The following UNC13C variants were observed in gnomAD, a reference collection of about 807,000 sequenced individuals.
UNC13C encodes protein unc-13 homolog C.
Under a neutral mutation model 245.4 loss-of-function variants are expected in UNC13C, and 174 were observed. That is an observed-to-expected ratio of 0.71 (90% CI 0.63 to 0.80). UNC13C has a LOEUF of 0.80. UNC13C is among the 30% of genes least tolerant of loss of function. The pLI is 0.00. For synonymous variants in UNC13C, 992 were observed against 895.1 expected, an observed-to-expected ratio of 1.11 and a Z score of -1.93; for missense variants, 2,829 against 2,602.9, an observed-to-expected ratio of 1.09 and a Z score of -1.89.
chr15:54,569,438 GAAT>G (rs1318179695), intron 30 of UNC13C, among the ~76,000 whole-genome samples: 2 of 151,888 alleles, frequency 1.3e-5, no homozygotes, highest in African/African-American at 4.8e-5. Flanking sequence ...ATTGTTTATG[GAAT>G]AATAACAAGA....
In UNC13C at chr15:54,175,508, A is replaced by ATTTTTT. The variant is rs55925649; in HGVS notation, c.3071+31841_3071+31846dup. On this transcript the variant is annotated intron_variant, in intron 4 of 32. Coordinates refer to ENST00000260323, the MANE Select transcript of UNC13C (RefSeq NM_001080534.3). The stretch of plus-strand genomic sequence containing the variant: ...AAAACACTGTTGTTGTGGCCCTAGA[A>ATTTTTT]TTTTTTTTTTTTTTTTTTTTTTGAG... 2.5e-3 allele frequency among the ~76,000 whole-genome samples: 270 copies of ATTTTTT among 105,974 alleles called. 11 individuals are homozygous for ATTTTTT. Among genetic ancestry groups the ATTTTTT allele is most frequent in the Middle Eastern group, 0.011 (2 of 178 alleles). The allele number at this position is 105,974 out of a possible 152,430, so 69.5% of individuals were successfully genotyped here.
At chr15:54,285,887 A>T (rs2037132283) in intron 10 of UNC13C, among the ~76,000 whole-genome samples, 1 of 151,358 alleles carries the variant, frequency 6.6e-6, no homozygotes, top group African/African-American at 2.4e-5. Context: ...TTATTTATTT[A>T]TTTTTTTTAA....
At chr15:54,067,200 C>T (rs534134415) in intron 2 of UNC13C, among the ~76,000 whole-genome samples, 2 of 152,220 alleles carry the variant, frequency 1.3e-5, no homozygotes, top group Admixed American at 1.3e-4. Context: ...AGTAATTACA[C>T]TTACCTCAAG....
chr15:54,056,019 C>T (rs1249420010), intron 2 of UNC13C, among the ~76,000 whole-genome samples: 5 of 151,966 alleles, frequency 3.3e-5, no homozygotes, highest in Non-Finnish European at 7.4e-5. Flanking sequence ...GCATGTAAGT[C>T]CCAATTGAGT....
At chr15:54,471,744 T>G (rs1185516908) in intron 19 of UNC13C, among the ~76,000 whole-genome samples, 1 of 151,698 alleles carries the variant, frequency 6.6e-6, no homozygotes, top group East Asian at 1.9e-4. Flanking sequence ...GATGGAATCT[T>G]CTGTATATGT....
intron 2 of UNC13C, among the ~76,000 whole-genome samples, chr15:54,120,974 A>C (rs997473731): frequency 3.9e-5 from 6 of 152,094 alleles, no homozygotes; most frequent in East Asian, 1.9e-4. Context: ...GATGGCATCT[A>C]CTCCTGGTGA....
At chr15:53,899,519 C>G in the UNC13C span, among the ~76,000 whole-genome samples, 1 of 152,192 alleles carries the variant, frequency 6.6e-6, no homozygotes, top group Non-Finnish European at 1.5e-5. Context: ...TTTCTTAACT[C>G]ACTCTTCTTA....
chr15:54,615,536 A>G (rs1009551536), intron 30 of UNC13C, among the ~76,000 whole-genome samples: 4 of 151,938 alleles, frequency 2.6e-5, no homozygotes. Context: ...ACACTGCCAT[A>G]TGGAGAATCT....
At chr15:54,144,281 G>C (rs1037874444) in intron 4 of UNC13C, among the ~76,000 whole-genome samples, 1 of 151,428 alleles carries the variant, frequency 6.6e-6, no homozygotes, top group Non-Finnish European at 1.5e-5. Flanking sequence ...TTTTCTACGT[G>C]TTTGCAATAC....
intron 2 of UNC13C, among the ~76,000 whole-genome samples, chr15:54,058,920 G>C (rs528685615): frequency 9.5e-4 from 144 of 152,258 alleles, no homozygotes; most frequent in African/African-American, 3.4e-3. Context: ...AACGCTTCAT[G>C]CTAAAAACTC....
At chr15:54,231,062 C>T in intron 4 of UNC13C, among the ~76,000 whole-genome samples, 1 of 151,802 alleles carries the variant, frequency 6.6e-6, no homozygotes, top group East Asian at 1.9e-4. Context: ...GTCTTTATTC[C>T]TAAGAAGAAC....
At chr15:54,529,372 G>A (rs970821178) in intron 25 of UNC13C, among the ~76,000 whole-genome samples, 3 of 152,164 alleles carry the variant, frequency 2.0e-5, no homozygotes, top group African/African-American at 7.2e-5. Context: ...ATGGAAATAT[G>A]TATATGGAAA....
At chr15:53,889,604 T>C in the UNC13C span, among the ~76,000 whole-genome samples, 2 of 152,320 alleles carry the variant, frequency 1.3e-5, no homozygotes, top group African/African-American at 2.4e-5. Flanking sequence ...ATAGGAGTGG[T>C]GAGAGAGGGC....
intron 4 of UNC13C, among the ~76,000 whole-genome samples, chr15:54,161,792 A>T (rs1209669385): frequency 1.3e-5 from 2 of 152,060 alleles, no homozygotes; most frequent in Non-Finnish European, 2.9e-5. Context: ...CTCTCATAAG[A>T]ATACAAAAAA....
intron 30 of UNC13C, among the ~76,000 whole-genome samples, chr15:54,620,720 A>G (rs1257298228): frequency 6.6e-6 from 1 of 150,628 alleles, no homozygotes; most frequent in South Asian, 2.1e-4. Context: ...CTACAAGTCG[A>G]GCCTAGAGTG....
chr15:54,302,102 A>C (rs550587364), intron 13 of UNC13C, among the ~76,000 whole-genome samples: 1 of 151,982 alleles, frequency 6.6e-6, no homozygotes, highest in Admixed American at 6.6e-5. Flanking sequence ...TGAGAAGTGT[A>C]AGTACATATC....
intron 4 of UNC13C, among the ~76,000 whole-genome samples, chr15:54,145,258 C>G (rs1009984574): frequency 1.3e-5 from 2 of 151,936 alleles, no homozygotes; most frequent in African/African-American, 4.8e-5. Context: ...GTAATACACT[C>G]ATTTTTTGAA....
intron 18 of UNC13C, among the ~76,000 whole-genome samples, chr15:54,409,854 TC>T (rs1239841891): frequency 6.6e-6 from 1 of 152,194 alleles, no homozygotes; most frequent in Non-Finnish European, 1.5e-5. Context: ...AGTGCATGTG[TC>T]TTTTTGGTAG....
At chr15:53,898,193 A>AC in the UNC13C span, among the ~76,000 whole-genome samples, 23,712 of 109,704 alleles carry the variant, frequency 0.22, 2,278 homozygotes, top group East Asian at 0.32. Context: ...AATGACCACC[A>AC]CAACCACCAC....
Sources: allele counts gnomAD v4.1 joint callset (sites outside exome capture counted in the v4.1 genomes callset), GRCh38; gene constraint gnomAD v4.1.1; transcripts MANE v1.5; gene names NCBI Gene and HGNC (gene_info 2026-07-23, HGNC 2026-07-21).